Variants in TOGARAM1 observed in about 807,000 individuals in gnomAD.
The protein encoded by TOGARAM1 is TOG array regulator of axonemal microtubules 1.
TOGARAM1 carries 100 observed loss-of-function variants against 166.6 expected under a neutral mutation model. The observed-to-expected ratio is 0.60, with a 90% CI of 0.51 to 0.71. TOGARAM1 has a LOEUF of 0.71. Among genes scored for constraint, TOGARAM1 ranks in the 30% least tolerant of loss-of-function variants. The pLI is 0.00. For missense variants in TOGARAM1, 2,029 were observed against 2,102.7 expected, an observed-to-expected ratio of 0.96 and a Z score of 0.69; for synonymous variants, 758 against 763.8, an observed-to-expected ratio of 0.99 and a Z score of 0.13.
At chr14:45,016,411 G>A (rs1261178513) in intron 7 of TOGARAM1, among the ~76,000 whole-genome samples, 1 of 152,198 alleles carries the variant, frequency 6.6e-6, no homozygotes, top group Non-Finnish European at 1.5e-5. Context: ...GCCGGGTGCA[G>A]TGGCTCACGC....
At chr14:45,036,370 G>C (rs756194615) in intron 11 of TOGARAM1, among the ~76,000 whole-genome samples, 3 of 151,960 alleles carry the variant, frequency 2.0e-5, no homozygotes, top group Non-Finnish European at 4.4e-5. Flanking sequence ...AAACACCCTA[G>C]TGAGATTAGA....
chr14:45,026,979 G>A (rs998226731), intron 8 of TOGARAM1, among the ~76,000 whole-genome samples: 2 of 152,188 alleles, frequency 1.3e-5, no homozygotes, highest in East Asian at 3.9e-4. Context: ...TTGCACTCCA[G>A]CCTGGGTGAC....
At position 45,071,475 on chromosome 14, in the gene TOGARAM1, A is replaced by G. The variant is rs529044109; in HGVS notation, c.4970-237A>G. Among the ~76,000 whole-genome samples the G allele has an allele frequency of 2.0e-5, 3 of 151,582 alleles. No homozygotes were observed. The South Asian group carries it at 6.3e-4, about 32-fold the overall frequency. On this transcript the variant is annotated intron_variant, in intron 18 of 19. Transcript: ENST00000361462. The stretch of plus-strand genomic sequence containing the variant: ...CACAATCATAGCTCACTGCAGCCTC[A>G]GACTCCTGGGCTCAAATGATCCTCT...
At chr14:45,043,859 T>C (rs1415954489) in intron 12 of TOGARAM1, 68 bp downstream of exon 12, 5 of 929,914 alleles carry the variant, frequency 5.4e-6, no homozygotes, top group Non-Finnish European at 8.6e-6. Flanking sequence ...TATGTTTATT[T>C]GACCTTTAAA....
chr14:44,972,475 G>A (rs927882704), intron 1 of TOGARAM1, among the ~76,000 whole-genome samples: 15 of 152,046 alleles, frequency 9.9e-5, no homozygotes, highest in Admixed American at 9.8e-4. Flanking sequence ...GGGTAATTAA[G>A]TCTCCAACTA....
At chr14:45,004,958 T>C (rs1887878998) in intron 4 of TOGARAM1, among the ~76,000 whole-genome samples, 3 of 152,136 alleles carry the variant, frequency 2.0e-5, no homozygotes, top group Non-Finnish European at 2.9e-5. Flanking sequence ...GTTTCGCTCT[T>C]GTTGCCCAGA....
intron 1 of TOGARAM1, among the ~76,000 whole-genome samples, chr14:44,967,445 A>G (rs1885620395): frequency 2.0e-5 from 3 of 152,148 alleles, no homozygotes; most frequent in Admixed American, 6.5e-5. Context: ...TTCTTTTTGT[A>G]TTTAGAATTA....
chr14:45,033,562 A>C (rs1196177180), intron 11 of TOGARAM1, among the ~76,000 whole-genome samples: 1 of 152,236 alleles, frequency 6.6e-6, no homozygotes, highest in African/African-American at 2.4e-5. Flanking sequence ...CATTTGGCCC[A>C]TGAGCCATAG....
At chr14:44,992,844 C>T (rs992869686) in intron 1 of TOGARAM1, among the ~76,000 whole-genome samples, 1 of 151,446 alleles carries the variant, frequency 6.6e-6, no homozygotes, top group African/African-American at 2.4e-5. Context: ...GTCTCGATCT[C>T]CTGACCTCGT....
intron 14 of TOGARAM1, among the ~76,000 whole-genome samples, chr14:45,051,935 G>A (rs762074039): frequency 1.3e-5 from 2 of 152,128 alleles, no homozygotes; most frequent in African/African-American, 4.8e-5. Flanking sequence ...TAAGCCAAAA[G>A]TGCATTTAAA....
rs770250442 is a variant in TOGARAM1 at position 44,962,808 on chromosome 14, C to T, written c.387C>T (p.Phe129=). The T allele has an allele frequency of 6.2e-6, 10 of 1,612,344 alleles. No homozygotes were observed. Among genetic ancestry groups the T allele is most frequent in the African/African-American group, 1.3e-5 (1 of 74,938 alleles). Residue 129 remains phenylalanine (F), a synonymous_variant, in exon 1 of 20, where the codon TTC becomes TTT. Coordinates refer to ENST00000361462, the MANE Select transcript of TOGARAM1 (RefSeq NM_001308120.2). The part of the protein sequence containing the change: ...ALPRRGGRLG[F]PRRKEALYRA... The stretch of plus-strand genomic sequence containing the variant: ...CGCGGCGGGGCGGTCGACTTGGCTT[C>T]CCCCGACGCAAGGAAGCTTTGTATC...
intron 16 of TOGARAM1, among the ~76,000 whole-genome samples, chr14:45,056,161 ATTTG>A (rs1882627518): frequency 6.6e-6 from 1 of 151,618 alleles, no homozygotes; most frequent in South Asian, 2.1e-4. Flanking sequence ...TGTCTTCTTG[ATTTG>A]TTTCTCAGCT....
At chr14:45,056,819 G>A (rs774924937) in intron 16 of TOGARAM1, among the ~76,000 whole-genome samples, 3 of 151,932 alleles carry the variant, frequency 2.0e-5, no homozygotes. Context: ...TGTAGCTTTC[G>A]TCTTTTGTTG....
intron 1 of TOGARAM1, among the ~76,000 whole-genome samples, chr14:44,973,203 T>C (rs971316089): frequency 2.0e-5 from 3 of 152,058 alleles, no homozygotes; most frequent in African/African-American, 7.2e-5. Context: ...TGATTCAGTT[T>C]TCTCTTCTTT....
chr14:44,964,586 T>C (rs77240482), intron 1 of TOGARAM1, 119 bp downstream of exon 1: 2 of 1,176,184 alleles, frequency 1.7e-6, no homozygotes, highest in African/African-American at 3.1e-5. Flanking sequence ...TTTAAATTGA[T>C]TTTAAATCCA....
chr14:45,063,095 C>T (rs1050269726), intron 16 of TOGARAM1, among the ~76,000 whole-genome samples: 2 of 152,036 alleles, frequency 1.3e-5, no homozygotes, highest in East Asian at 1.9e-4. Flanking sequence ...CTTATACTTA[C>T]GTTTATATTA....
At chr14:45,012,813 T>C (rs1879888492) in intron 7 of TOGARAM1, among the ~76,000 whole-genome samples, 1 of 152,228 alleles carries the variant, frequency 6.6e-6, no homozygotes, top group Non-Finnish European at 1.5e-5. Context: ...TTGCTAAGAT[T>C]TTAAATTTCT....
At chr14:45,036,130 TAAAAAAAAAAAAAAA>T (rs770145117) in intron 11 of TOGARAM1, among the ~76,000 whole-genome samples, 6 of 29,158 alleles carry the variant, frequency 2.1e-4, no homozygotes, top group Admixed American at 8.2e-4. Flanking sequence ...ACCTTGTCTC[TAAAAAAAAAAAAAAA>T]AAAAAAAAAA....
chr14:44,986,923 G>A (rs537597165), intron 1 of TOGARAM1, among the ~76,000 whole-genome samples: 6 of 150,264 alleles, frequency 4.0e-5, no homozygotes, highest in Non-Finnish European at 8.9e-5. Context: ...GAAGAATGGT[G>A]TGAACCCAGG....
Sources: gnomAD v4.1 joint callset for allele counts (sites outside exome capture counted in the v4.1 genomes callset) on GRCh38, gnomAD v4.1.1 for gene constraint, MANE v1.5 for transcripts, NCBI Gene and HGNC (gene_info 2026-07-23, HGNC 2026-07-21) for gene names.